Variants in CENPW observed in about 807,000 individuals in gnomAD.
CENPW encodes cancer-up-regulated gene 2 protein.
In CENPW, 3 loss-of-function variants were observed where a neutral mutation model predicts 11.1. The observed-to-expected ratio is 0.27, with a 90% CI of 0.12 to 0.70. CENPW has a LOEUF of 0.70. Ranked by LOEUF, CENPW falls within the 30% of genes least tolerant of loss-of-function variation. The pLI is 0.77. For synonymous variants in CENPW, 38 were observed against 42.0 expected (o/e 0.91, Z 0.37); for missense variants, 100 against 105.6 (o/e 0.95, Z 0.23).
At chr6:126,354,957 G>C in the CENPW span, among the ~76,000 whole-genome samples, 1 of 152,036 alleles carries the variant, frequency 6.6e-6, no homozygotes, top group Non-Finnish European at 1.5e-5. Flanking sequence ...GTTGGTCACT[G>C]TATTTCCAAA....
At chr6:126,350,422 A>C (rs949504926), downstream of CENPW, among the ~76,000 whole-genome samples, 7 of 152,076 alleles carry the variant, frequency 4.6e-5, no homozygotes, top group African/African-American at 1.4e-4. Flanking sequence ...CGGAGGAAAA[A>C]AGGCCAGAGA....
chr6:126,475,687 G>A, the CENPW span, among the ~76,000 whole-genome samples: 6 of 151,964 alleles, frequency 3.9e-5, no homozygotes, highest in Non-Finnish European at 8.8e-5. Flanking sequence ...ATTTGTAAAT[G>A]TGGATGATGA....
the CENPW span, among the ~76,000 whole-genome samples, chr6:126,406,995 T>C: frequency 3.3e-5 from 5 of 152,112 alleles, no homozygotes; most frequent in African/African-American, 4.8e-5. Flanking sequence ...CATAGGTAAA[T>C]GTTTGCCATT....
chr6:126,382,736 T>TA, the CENPW span, among the ~76,000 whole-genome samples: 40 of 151,704 alleles, frequency 2.6e-4, no homozygotes, highest in South Asian at 7.7e-3. Flanking sequence ...TTAACAAGAA[T>TA]AAAAAAAATT....
chr6:126,480,042 A>G, the CENPW span, among the ~76,000 whole-genome samples: 1 of 151,970 alleles, frequency 6.6e-6, no homozygotes, highest in East Asian at 1.9e-4. Flanking sequence ...CTGAGGCCCA[A>G]CCCAACTGTA....
chr6:126,395,933 G>A, the CENPW span, among the ~76,000 whole-genome samples: 2 of 152,192 alleles, frequency 1.3e-5, no homozygotes, highest in Admixed American at 1.3e-4. Context: ...TGGGGGTGAG[G>A]TAACATAAGC....
chr6:126,439,920 T>G, the CENPW span, among the ~76,000 whole-genome samples: 7 of 151,730 alleles, frequency 4.6e-5, no homozygotes, highest in Admixed American at 3.3e-4. Context: ...TTTCCACACT[T>G]TCCTATTCTT....
At chr6:126,440,522 T>C in the CENPW span, among the ~76,000 whole-genome samples, 1 of 151,548 alleles carries the variant, frequency 6.6e-6, no homozygotes, top group African/African-American at 2.4e-5. Flanking sequence ...TTTTAATAAA[T>C]TTAAAAGGCA....
the CENPW span, among the ~76,000 whole-genome samples, chr6:126,442,017 G>A: frequency 2.0e-5 from 3 of 151,566 alleles, no homozygotes; most frequent in Admixed American, 6.6e-5. Flanking sequence ...AGTTCTTTAA[G>A]GAATCTCCAC....
chr6:126,462,664 CT>C, the CENPW span, among the ~76,000 whole-genome samples: 4 of 151,674 alleles, frequency 2.6e-5, no homozygotes, highest in Admixed American at 1.3e-4. Flanking sequence ...GTGTCCCAGA[CT>C]GAGACCAATA....
At chr6:126,434,876 T>A in the CENPW span, among the ~76,000 whole-genome samples, 1 of 152,026 alleles carries the variant, frequency 6.6e-6, no homozygotes, top group African/African-American at 2.4e-5. Context: ...CCAGGCTTTA[T>A]TTAGCAAAGG....
the CENPW span, among the ~76,000 whole-genome samples, chr6:126,404,920 A>G: frequency 6.6e-6 from 1 of 151,192 alleles, no homozygotes; most frequent in Admixed American, 6.6e-5. Flanking sequence ...TGTTGGATAA[A>G]TACTTTGCCA....
At chr6:126,457,262 G>A in the CENPW span, among the ~76,000 whole-genome samples, 16 of 151,538 alleles carry the variant, frequency 1.1e-4, no homozygotes, top group Middle Eastern at 3.4e-3. Context: ...ATATGCACAT[G>A]TATGTTCATT....
At chr6:126,385,440 T>G in the CENPW span, among the ~76,000 whole-genome samples, 1 of 152,142 alleles carries the variant, frequency 6.6e-6, no homozygotes, top group African/African-American at 2.4e-5. Flanking sequence ...AAGAACAAAC[T>G]CATGTCCTTT....
the CENPW span, among the ~76,000 whole-genome samples, chr6:126,358,877 C>G: frequency 3.3e-5 from 5 of 151,922 alleles, no homozygotes; most frequent in East Asian, 9.6e-4. Context: ...AAAAATCCAC[C>G]AGATGGATTC....
chr6:126,351,456 G>C (rs541151205), downstream of CENPW, among the ~76,000 whole-genome samples: 6 of 152,058 alleles, frequency 3.9e-5, no homozygotes, highest in South Asian at 1.2e-3. Context: ...CTTGTTTTCT[G>C]TGTCGTCTGG....
chr6:126,406,406 C>A, the CENPW span, among the ~76,000 whole-genome samples: 3 of 151,824 alleles, frequency 2.0e-5, no homozygotes, highest in Non-Finnish European at 4.4e-5. Flanking sequence ...GTATTTTTTT[C>A]TTTCATGCGT....
At chr6:126,377,134 T>G in the CENPW span, among the ~76,000 whole-genome samples, 8 of 152,136 alleles carry the variant, frequency 5.3e-5, no homozygotes, top group Non-Finnish European at 4.4e-5. Flanking sequence ...TGGGGAGAGC[T>G]AGAGAGTCCT....
At chr6:126,361,783 T>TA in the CENPW span, among the ~76,000 whole-genome samples, 1 of 152,124 alleles carries the variant, frequency 6.6e-6, no homozygotes, top group Non-Finnish European at 1.5e-5. Context: ...TAGACTACAC[T>TA]CTTTCTGAAC....
Sources: allele counts gnomAD v4.1 joint callset (sites outside exome capture counted in the v4.1 genomes callset), GRCh38; gene constraint gnomAD v4.1.1; transcripts MANE v1.5; gene names NCBI Gene and HGNC (gene_info 2026-07-23, HGNC 2026-07-21).